SIRPG: variants seen among roughly 807,000 people sequenced by gnomAD.
The protein encoded by SIRPG is signal regulatory protein gamma, also known as signal-regulatory protein gamma.
A neutral mutation model predicts 35.7 loss-of-function variants in SIRPG; 38 were observed. That is an observed-to-expected ratio of 1.06 (90% CI 0.82 to 1.40). SIRPG has a LOEUF of 1.40. Ranked by LOEUF, SIRPG falls within the 40% of genes most tolerant of loss-of-function variation. The pLI is 0.00. For synonymous variants in SIRPG, 215 were observed against 190.4 expected (o/e 1.13, Z -1.06); for missense variants, 519 against 483.0 (o/e 1.07, Z -0.70).
chr20:1,649,050 A>C lies in SIRPG; in HGVS notation c.430+2T>G. The stretch of plus-strand genomic sequence containing the variant: ...GATGAGGGAGGTCCATGTTGTACTC[A>C]CCACCCAAAGCCATCTCAGTGCCTG... On this transcript the variant is annotated splice_donor_variant, in intron 2 of 5. Transcript: ENST00000303415. LOFTEE classifies it high-confidence loss of function. The C allele has an allele frequency of 6.2e-7, 1 of 1,612,896 alleles. No homozygotes were observed. The highest frequency in any genetic ancestry group is 8.5e-7 in the Non-Finnish European group (1 of 1,179,146).
intron 1 of SIRPG, 130 bp from the exon 2 acceptor site, chr20:1,649,538 C>A (rs944384874): frequency 1.3e-6 from 1 of 760,556 alleles, no homozygotes. Flanking sequence ...CAGCACACTG[C>A]ATGTATTATC....
intron 2 of SIRPG, 91 bp from the exon 3 acceptor site, chr20:1,636,596 A>G: frequency 7.8e-7 from 1 of 1,276,318 alleles, no homozygotes; most frequent in Non-Finnish European, 1.1e-6. Context: ...CTTCAGATAC[A>G]TTAATTTTAA....
chr20:1,673,589 A>T, the SIRPG span, among the ~76,000 whole-genome samples: 2 of 152,210 alleles, frequency 1.3e-5, no homozygotes, highest in South Asian at 4.2e-4. Context: ...GAAAAGGCTC[A>T]AACCCTGCTC....
the SIRPG span, among the ~76,000 whole-genome samples, chr20:1,663,191 T>C: frequency 6.6e-6 from 1 of 151,926 alleles, no homozygotes; most frequent in Middle Eastern, 3.2e-3. Context: ...TGGGCGCCTG[T>C]AGTCCCAGCT....
At chr20:1,679,130 A>G in the SIRPG span, among the ~76,000 whole-genome samples, 36,929 of 152,010 alleles carry the variant, frequency 0.24, 5,201 homozygotes, top group East Asian at 0.59. Context: ...GAAAATGAGC[A>G]CCCACCACCA....
At chr20:1,652,747 TATC>T (rs2091948921) in intron 1 of SIRPG, among the ~76,000 whole-genome samples, 1 of 152,204 alleles carries the variant, frequency 6.6e-6, no homozygotes, top group African/African-American at 2.4e-5. Context: ...TTATTGCACT[TATC>T]ATTGTCAAAA....
Position 1,635,522 on chromosome 20 carries a change from A to G in SIRPG, c.826T>C (p.Phe276Leu), listed in dbSNP as rs1823350212. ...QVNVTCQVRKFYPQSLQLTWS... is the reference protein window; with the variant it reads ...QVNVTCQVRKLYPQSLQLTWS... ...GTCAGCTGTAGGCTCTGGGGGTAGA[A>G]CTTCCTCACCTGGCAGGTGACGTTT... The change falls in exon 4 of 6, where the codon TTC becomes CTC. Residue 276 changes from phenylalanine to leucine, a missense_variant. Phe to Leu is a conservative substitution (Grantham distance 22). Coordinates refer to ENST00000303415, the MANE Select transcript of SIRPG (RefSeq NM_018556.4). The G allele has an allele frequency of 6.2e-7, 1 of 1,614,022 alleles. No homozygotes were observed. Among genetic ancestry groups the G allele is most frequent in the Non-Finnish European group, 8.5e-7 (1 of 1,179,950 alleles).
chr20:1,657,223 T>C (rs760592499), intron 1 of SIRPG, among the ~76,000 whole-genome samples: 6 of 152,142 alleles, frequency 3.9e-5, no homozygotes, highest in Non-Finnish European at 1.5e-5. Context: ...TAAATGTCTA[T>C]TGTTTTAGTT....
chr20:1,654,291 A>G (rs564339332), intron 1 of SIRPG, among the ~76,000 whole-genome samples: 2 of 152,104 alleles, frequency 1.3e-5, no homozygotes, highest in Admixed American at 6.6e-5. Flanking sequence ...TAATTTCAAC[A>G]TTGACTACAG....
At chr20:1,629,935 A>G (rs1338539704) in intron 5 of SIRPG, among the ~76,000 whole-genome samples, 1 of 152,180 alleles carries the variant, frequency 6.6e-6, no homozygotes, top group Non-Finnish European at 1.5e-5. Context: ...CAGCATTCAA[A>G]TAATCTACAG....
rs151210580 is a variant in SIRPG at position 1,644,984 on chromosome 20, G to A, written c.430+4068C>T. Among the ~76,000 whole-genome samples, 409 of 152,336 alleles carry A rather than the reference G, an allele frequency of 2.7e-3. 1 individual carries two copies. Among genetic ancestry groups the A allele is most frequent in the African/African-American group, 9.5e-3 (394 of 41,576 alleles). On this transcript the variant is annotated intron_variant, in intron 2 of 5. Coordinates refer to ENST00000303415, the MANE Select transcript of SIRPG (RefSeq NM_018556.4). The stretch of plus-strand genomic sequence containing the variant: ...CTCCTATCACTGCTGCTTCTAGTCA[G>A]CCATCTTGGCCCTGTCCTGCGTGAC...
chr20:1,639,211 C>T (rs74337187), intron 2 of SIRPG, among the ~76,000 whole-genome samples: 1 of 152,068 alleles, frequency 6.6e-6, no homozygotes, highest in Non-Finnish European at 1.5e-5. Context: ...CTTCCACAAT[C>T]GTTGAACTAA....
At chr20:1,634,237 C>G (rs1482406224) in intron 4 of SIRPG, among the ~76,000 whole-genome samples, 3 of 147,416 alleles carry the variant, frequency 2.0e-5, no homozygotes, top group East Asian at 2.0e-4. Flanking sequence ...GACAGAGTCT[C>G]GCTCTGTCGC....
intron 2 of SIRPG, among the ~76,000 whole-genome samples, chr20:1,638,924 T>C (rs186425785): frequency 2.5e-4 from 38 of 152,270 alleles, no homozygotes; most frequent in African/African-American, 8.9e-4. Flanking sequence ...TCCAGCTTCA[T>C]CCATGGCCCC....
chr20:1,648,391 A>C (rs2091913056), intron 2 of SIRPG: 1 of 152,212 alleles, frequency 6.6e-6, no homozygotes, highest in South Asian at 2.1e-4. Context: ...ATTAGACTAA[A>C]CAGTGAATCT....
intron 1 of SIRPG, 139 bp from the exon 2 acceptor site, chr20:1,649,547 T>G (rs1166513877): frequency 4.1e-6 from 3 of 738,890 alleles, no homozygotes; most frequent in Non-Finnish European, 6.6e-6. Context: ...GCATGTATTA[T>G]CTCATTTAAC....
intron 1 of SIRPG, among the ~76,000 whole-genome samples, chr20:1,653,949 C>T (rs1235683967): frequency 6.6e-6 from 1 of 152,068 alleles, no homozygotes; most frequent in East Asian, 1.9e-4. Context: ...GCAAAAAGAA[C>T]AAAGATGGGG....
chr20:1,654,169 G>A (rs879324170), intron 1 of SIRPG, among the ~76,000 whole-genome samples: 8 of 151,738 alleles, frequency 5.3e-5, no homozygotes, highest in African/African-American at 1.7e-4. Flanking sequence ...AACCCGGGAG[G>A]TGGAGATTGC....
chr20:1,643,072 T>C (rs2091867025), intron 2 of SIRPG, among the ~76,000 whole-genome samples: 1 of 152,160 alleles, frequency 6.6e-6, no homozygotes, highest in Non-Finnish European at 1.5e-5. Flanking sequence ...TTGTGGAGTA[T>C]CTTAGTGGTG....
Sources: allele counts gnomAD v4.1 joint callset (sites outside exome capture counted in the v4.1 genomes callset), GRCh38; gene constraint gnomAD v4.1.1; transcripts MANE v1.5; gene names NCBI Gene and HGNC (gene_info 2026-07-23, HGNC 2026-07-21).